Variants in TENM2 observed in about 807,000 individuals in gnomAD.
The protein encoded by TENM2 is teneurin-2.
Under a neutral mutation model 245.2 loss-of-function variants are expected in TENM2, and 52 were observed. The observed-to-expected ratio is 0.21, with a 90% confidence interval of 0.17 to 0.27. The LOEUF (loss-of-function observed/expected upper bound fraction) is 0.27, where lower values mean the gene tolerates loss of function less well. Ranked by LOEUF, TENM2 falls within the 10% of genes least tolerant of loss-of-function variation. The pLI, the probability that TENM2 is intolerant of heterozygous loss-of-function variation, is 1.00. For missense variants in TENM2, 3,046 were observed against 3,666.8 expected (o/e 0.83, Z 4.37); for synonymous variants, 1,363 against 1,438.9 (o/e 0.95, Z 1.19).
chr5:167,571,723 C>T (rs758956616), intron 2 of TENM2, among the ~76,000 whole-genome samples: 1 of 152,176 alleles, frequency 6.6e-6, no homozygotes, highest in Non-Finnish European at 1.5e-5. Context: ...CAATAAACCT[C>T]GGGCCCCTTC....
intron 2 of TENM2, among the ~76,000 whole-genome samples, chr5:167,851,372 G>A (rs1770564103): frequency 6.6e-6 from 1 of 152,096 alleles, no homozygotes; most frequent in Admixed American, 6.6e-5. Context: ...TAATTTTAGT[G>A]TATATTTATA....
intron 5 of TENM2, among the ~76,000 whole-genome samples, chr5:167,994,520 C>T (rs1783906786): frequency 3.3e-5 from 5 of 152,218 alleles, no homozygotes; most frequent in Admixed American, 3.3e-4. Flanking sequence ...TGGGGCCCTG[C>T]CTAAGGCAGA....
At chr5:167,373,087 C>A (rs1703475358) in intron 1 of TENM2, among the ~76,000 whole-genome samples, 1 of 152,156 alleles carries the variant, frequency 6.6e-6, no homozygotes, top group Admixed American at 6.5e-5. Flanking sequence ...CTGACAGGAA[C>A]CTGCACTTGG....
In TENM2 at chr5:167,317,104, C is replaced by T. The variant is rs147910517; in HGVS notation, c.226+32041C>T. Among the ~76,000 whole-genome samples the T allele has an allele frequency of 3.7e-3, 566 of 152,128 alleles. 3 individuals carry two copies. The highest frequency in any genetic ancestry group is 0.012 in the African/African-American group (502 of 41,484). The stretch of plus-strand genomic sequence containing the variant: ...TTGACACTCATCCCATCTACAATTC[C>T]CCTAAACCAGTAGACGTCCCTAATT... On this transcript the variant is annotated intron_variant, in intron 1 of 28. Transcript: ENST00000518659.
chr5:167,415,220 A>G (rs1458737742), intron 2 of TENM2, among the ~76,000 whole-genome samples: 1 of 152,146 alleles, frequency 6.6e-6, no homozygotes. Flanking sequence ...CCTTTTCATG[A>G]AACAGTGCTG....
Position 168,247,014 on chromosome 5 carries a change from C to G in TENM2, c.6075C>G (p.Leu2025=). 1 of 1,613,998 alleles carries G rather than the reference C, an allele frequency of 6.2e-7. No homozygotes were observed. The highest frequency in any genetic ancestry group is 8.5e-7 in the Non-Finnish European group (1 of 1,179,908). The change falls in exon 27 of 29, where the codon CTC becomes CTG. Residue 2025 remains leucine, a synonymous_variant. Coordinates refer to ENST00000518659, the Ensembl canonical transcript of TENM2. The surrounding 1 kb of genome is among the most constrained non-coding windows in gnomAD (Gnocchi z 7.8). ...AGGTGTTCTACAAGTATGGGAAACT[C>G]TCCAAGTTATCAGAGATTGTCTACG...
At chr5:167,880,772 C>A (rs1359749156) in intron 3 of TENM2, among the ~76,000 whole-genome samples, 1 of 152,168 alleles carries the variant, frequency 6.6e-6, no homozygotes, top group Non-Finnish European at 1.5e-5. Flanking sequence ...TTTGCACAGT[C>A]CAAGGGCAAA....
chr5:167,506,472 A>G (rs1338676935), intron 2 of TENM2, among the ~76,000 whole-genome samples: 1 of 152,210 alleles, frequency 6.6e-6, no homozygotes, highest in East Asian at 1.9e-4. Context: ...ACATGTCAAT[A>G]CTTTTTAGAA....
the TENM2 span, among the ~76,000 whole-genome samples, chr5:167,161,513 G>T: frequency 6.6e-6 from 1 of 152,200 alleles, no homozygotes; most frequent in Non-Finnish European, 1.5e-5. Flanking sequence ...GTAAGTTATT[G>T]TGGAGAAGAT....
chr5:167,332,013 A>G (rs1757489835), intron 1 of TENM2, among the ~76,000 whole-genome samples: 1 of 152,238 alleles, frequency 6.6e-6, no homozygotes, highest in South Asian at 2.1e-4. Flanking sequence ...CGACCAACGT[A>G]TTCCAATTAT....
At chr5:167,720,738 T>G (rs1759571359) in intron 2 of TENM2, among the ~76,000 whole-genome samples, 1 of 152,210 alleles carries the variant, frequency 6.6e-6, no homozygotes, top group Admixed American at 6.5e-5. Context: ...TGCGAGACCA[T>G]AATTTAAATA....
chr5:167,312,811 T>A (rs567352408), intron 1 of TENM2, among the ~76,000 whole-genome samples: 1 of 152,124 alleles, frequency 6.6e-6, no homozygotes, highest in Non-Finnish European at 1.5e-5. Flanking sequence ...TGCAGTGTTC[T>A]CGGAGGGTTC....
chr5:167,870,628 TACAC>T lies in TENM2; in HGVS notation c.503-5350_503-5347del, dbSNP rs1239358598. ...ATATATGTATATATATGTATATATATACACACACACATATATAGTAATATATATA... is the reference window on the plus strand; with the variant it reads ...ATATATGTATATATATGTATATATATACACACATATATAGTAATATATATA... On this transcript the variant is annotated intron_variant, in intron 2 of 28. Coordinates refer to ENST00000518659, the Ensembl canonical transcript of TENM2. 4.9e-3 allele frequency among the ~76,000 whole-genome samples: 726 copies of T among 147,750 alleles called. 5 individuals are homozygous for T. The highest frequency in any genetic ancestry group is 0.017 in the African/African-American group (692 of 40,420).
At chr5:166,998,008 C>G in the TENM2 span, among the ~76,000 whole-genome samples, 5 of 152,090 alleles carry the variant, frequency 3.3e-5, no homozygotes, top group Non-Finnish European at 7.4e-5. Flanking sequence ...AAATGAACAT[C>G]TATGTGCATG....
At chr5:167,152,224 T>C in the TENM2 span, among the ~76,000 whole-genome samples, 1 of 152,178 alleles carries the variant, frequency 6.6e-6, no homozygotes, top group Non-Finnish European at 1.5e-5. Context: ...AAGCAGAAAT[T>C]TTATTATGAA....
intron 25 of TENM2, among the ~76,000 whole-genome samples, chr5:168,238,275 A>G (rs867333817): frequency 1.3e-5 from 2 of 151,096 alleles, no homozygotes; most frequent in South Asian, 4.2e-4. Context: ...AAAAGAAAAG[A>G]AAAGAAAAGA....
chr5:167,728,608 T>TG (rs1391257534), intron 2 of TENM2: 2 of 149,358 alleles, frequency 1.3e-5, no homozygotes, highest in African/African-American at 5.0e-5. Context: ...TCAAAATAAA[T>TG]AAATAAATGA....
chr5:167,011,556 C>T, the TENM2 span, among the ~76,000 whole-genome samples: 1 of 152,178 alleles, frequency 6.6e-6, no homozygotes, highest in Non-Finnish European at 1.5e-5. Context: ...GCATGAGGCT[C>T]TAGCTCATAT....
At chr5:168,233,388 G>T (rs761532897) in intron 25 of TENM2, among the ~76,000 whole-genome samples, 1 of 152,100 alleles carries the variant, frequency 6.6e-6, no homozygotes, top group Non-Finnish European at 1.5e-5. Flanking sequence ...GGACCAGGTC[G>T]CCCCTGTATC....
Sources: allele counts gnomAD v4.1 joint callset (sites outside exome capture counted in the v4.1 genomes callset), GRCh38; gene constraint gnomAD v4.1.1; non-coding constraint Gnocchi (gnomAD v3.1); transcripts MANE v1.5; gene names NCBI Gene and HGNC (gene_info 2026-07-23, HGNC 2026-07-21).